SLF2: variants seen among roughly 807,000 people sequenced by gnomAD.
The protein encoded by SLF2 is SMC5/6 complex localization factor 2.
A neutral mutation model predicts 124.3 loss-of-function variants in SLF2; 68 were observed. That is an observed-to-expected ratio of 0.55 (90% confidence interval 0.45 to 0.67). The LOEUF (loss-of-function observed/expected upper bound fraction) is 0.67. Ranked by LOEUF, SLF2 falls within the 30% of genes least tolerant of loss-of-function variation. SLF2 has a pLI of 0.00. For synonymous variants in SLF2, 480 were observed against 478.8 expected, an observed-to-expected ratio of 1.00 and a Z score of -0.03; for missense variants, 1,246 against 1,373.7, an observed-to-expected ratio of 0.91 and a Z score of 1.47.
chr10:100,955,764 G>A (rs993178910), intron 17 of SLF2, among the ~76,000 whole-genome samples: 57 of 152,148 alleles, frequency 3.7e-4, no homozygotes, highest in African/African-American at 1.3e-3. Context: ...AAAATTAGCT[G>A]GGCATGGTGG....
intron 11 of SLF2, chr10:100,943,743 A>G (rs1306730408): frequency 3.7e-6 from 1 of 273,464 alleles, no homozygotes; most frequent in Non-Finnish European, 6.8e-6. Context: ...ACTGATGCAT[A>G]ATGATAGAAA....
At chr10:100,918,527 C>T in intron 4 of SLF2, 86 bp downstream of exon 4, 1 of 829,682 alleles carries the variant, frequency 1.2e-6, no homozygotes, top group Non-Finnish European at 1.9e-6. Flanking sequence ...TTTAAATATG[C>T]AGTTCCCTTC....
At chr10:100,955,177 T>C (rs1204480742) in intron 17 of SLF2, among the ~76,000 whole-genome samples, 1 of 151,814 alleles carries the variant, frequency 6.6e-6, no homozygotes, top group African/African-American at 2.4e-5. Flanking sequence ...CCTGACCTTG[T>C]GATCTGCCCG....
At chr10:100,936,250 C>T (rs922653504) in intron 9 of SLF2, among the ~76,000 whole-genome samples, 1 of 151,822 alleles carries the variant, frequency 6.6e-6, no homozygotes, top group African/African-American at 2.4e-5. Flanking sequence ...ACTAGAAAAT[C>T]GATAATACTA....
chr10:100,946,094 A>G (rs570266343), intron 13 of SLF2, among the ~76,000 whole-genome samples: 1 of 152,312 alleles, frequency 6.6e-6, no homozygotes, highest in African/African-American at 2.4e-5. Context: ...CCTTTTTAAA[A>G]ATTATATTTT....
rs563257318 is a variant in SLF2 at position 100,930,065 on chromosome 10, C to T, written c.2333+68C>T. ...ATTACTCTAAAACACTTCTGACTCA[C>T]GTAATCTTCTAAAAGGTTAATTTCT... On this transcript the variant is annotated intron_variant, in intron 8 of 19. Coordinates refer to ENST00000238961, the MANE Select transcript of SLF2 (RefSeq NM_018121.4). 2.4e-5 allele frequency: 24 copies of T among 1,000,126 alleles called. 1 individual carries two copies. The highest frequency in any genetic ancestry group is 1.8e-4 in the South Asian group (8 of 44,274). 62.0% of individuals were successfully genotyped at this position (1,000,126 alleles called of 1,614,324 possible).
At chr10:100,951,307 A>G (rs1011154391) in intron 17 of SLF2, among the ~76,000 whole-genome samples, 1 of 152,192 alleles carries the variant, frequency 6.6e-6, no homozygotes, top group Non-Finnish European at 1.5e-5. Flanking sequence ...GAACTTAACC[A>G]TTATACTTTG....
chr10:100,916,076 AT>A, intron 2 of SLF2, 34 bp downstream of exon 2: 1 of 1,576,172 alleles, frequency 6.3e-7, no homozygotes, highest in Non-Finnish European at 8.7e-7. Flanking sequence ...TTTGTGGGCT[AT>A]TTTGGGGGTG....
At chr10:100,929,579 C>A in intron 7 of SLF2, 140 bp downstream of exon 7, 2 of 770,502 alleles carry the variant, frequency 2.6e-6, no homozygotes, top group Non-Finnish European at 3.9e-6. Context: ...GTTTGAAAGG[C>A]AAATGTTAGG....
chr10:100,924,572 A>T lies in SLF2; in HGVS notation c.1571A>T (p.His524Leu), dbSNP rs1051692765. The T allele has an allele frequency of 6.2e-7, 1 of 1,614,166 alleles. No homozygotes were observed. Among genetic ancestry groups the T allele is most frequent in the Non-Finnish European group, 8.5e-7 (1 of 1,180,024 alleles). The change falls in exon 5 of 20, where the codon CAC becomes CTC. Residue 524 changes from histidine (H) to leucine (L), a missense_variant. His to Leu is a moderately conservative substitution (Grantham distance 99, BLOSUM62 -3). Transcript: ENST00000238961. Reference protein sequence around the residue: ...HSTESTKHKEHKAKTNKADSN... With the variant: ...HSTESTKHKELKAKTNKADSN... ...ACAGAATCCACCAAACACAAGGAAC[A>T]CAAAGCAAAGACTAATAAGGCCGAT...
At chr10:100,959,607 T>C (rs1368045496) in intron 19 of SLF2, 111 bp downstream of exon 19, 6 of 1,434,320 alleles carry the variant, frequency 4.2e-6, no homozygotes, top group Non-Finnish European at 4.6e-6. Context: ...TCTAGTTATC[T>C]TAAGATAAAC....
intron 7 of SLF2, 36 bp from the exon 8 acceptor site, chr10:100,929,794 A>G: frequency 6.7e-7 from 1 of 1,495,174 alleles, no homozygotes; most frequent in South Asian, 1.3e-5. Flanking sequence ...ATGTAGTGTA[A>G]CAATTTGGTA....
chr10:100,954,708 A>G (rs1438795957), intron 17 of SLF2, among the ~76,000 whole-genome samples: 2 of 152,158 alleles, frequency 1.3e-5, no homozygotes, highest in African/African-American at 4.8e-5. Context: ...TTGGGGAAGC[A>G]GAGACAGGAG....
rs1426013785 is a variant in SLF2 at position 100,962,856 on chromosome 10, T to C, written c.*944T>C. The stretch of plus-strand genomic sequence containing the variant: ...GTGTCTGTGTATGTGTGTGTGTGTG[T>C]GTGTGTGTGTGTGCGCTTGTATCTT... On this transcript the variant is annotated 3_prime_UTR_variant, in exon 20 of 20. Coordinates refer to ENST00000238961, the MANE Select transcript of SLF2 (RefSeq NM_018121.4). 1 of 152,420 alleles carries C rather than the reference T, an allele frequency of 6.6e-6. No individual in the cohort carries two copies. Among genetic ancestry groups the C allele is most frequent in the Non-Finnish European group, 1.5e-5 (1 of 68,024 alleles). 9.4% of individuals were successfully genotyped at this position (152,420 alleles called of 1,614,324 possible).
In SLF2 at chr10:100,964,665, G is replaced by C. The variant is rs921635945; in HGVS notation, c.*2753G>C. The C allele has an allele frequency of 6.6e-6, 1 of 152,608 alleles. No homozygotes were observed. The allele number at this position is 152,608 out of a possible 1,614,324, so 9.5% of individuals were successfully genotyped here. A position where few individuals can be genotyped will look rare whatever the true frequency, so the allele number is the denominator to read the frequency against. ...TACAAAATGGCGTGTTATCATCCAG[G>C]CTTAGTTGGAGTATTTGCATTTTTA... On this transcript the variant is annotated 3_prime_UTR_variant, in exon 20 of 20. Coordinates refer to ENST00000238961, the MANE Select transcript of SLF2 (RefSeq NM_018121.4).
chr10:100,923,787 A>C (rs910128588), intron 4 of SLF2, among the ~76,000 whole-genome samples, 188 bp from the exon 5 acceptor site: 1 of 151,994 alleles, frequency 6.6e-6, no homozygotes, highest in African/African-American at 2.4e-5. Context: ...ATTAGCTTTA[A>C]ATTTCTTGGA....
At chr10:100,926,157 G>C in intron 6 of SLF2, 138 bp downstream of exon 6, 4 of 1,560,120 alleles carry the variant, frequency 2.6e-6, no homozygotes, top group Non-Finnish European at 3.5e-6. Flanking sequence ...GTTAGAATAA[G>C]ATATGTTGGC....
Position 100,916,831 on chromosome 10 carries a change from T to C in SLF2, c.446T>C (p.Ile149Thr), listed in dbSNP as rs1298608843. The part of the protein sequence containing the change: ...ASKYLAKGTN[I>T]YVPSSYHLPK... ...AAATATTTAGCCAAAGGAACAAATA[T>C]CTATGTTCCTTCTTCATATCACTTG... Residue 149 changes from isoleucine to threonine, a missense_variant, in exon 3 of 20, where the codon ATC becomes ACC. By Grantham distance (89) the Ile-to-Thr change is moderately conservative. This residue lies in a region of SLF2 where 698 missense variants were observed against 708.9 expected (regional missense o/e 0.98). Coordinates refer to ENST00000238961, the MANE Select transcript of SLF2 (RefSeq NM_018121.4). 3.1e-6 allele frequency: 5 copies of C among 1,614,146 alleles called. No homozygotes were observed. The South Asian group carries it at 5.5e-5, about 18-fold the overall frequency.
Position 100,924,479 on chromosome 10 carries a change from A to T in SLF2, c.1478A>T (p.Asn493Ile). ...GSSLVPLNAK[N>I]CALPVSKKDK... ...TCTCTAGTACCATTAAATGCTAAAA[A>T]TTGTGCTCTTCCAGTTTCTAAAAAA... The change falls in exon 5 of 20, where the codon AAT becomes ATT. Residue 493 changes from asparagine to isoleucine, a missense_variant. Coordinates refer to ENST00000238961, the MANE Select transcript of SLF2 (RefSeq NM_018121.4). 1 of 1,614,172 alleles carries T rather than the reference A, an allele frequency of 6.2e-7. No individual in the cohort carries two copies. The highest frequency in any genetic ancestry group is 8.5e-7 in the Non-Finnish European group (1 of 1,180,028).
Sources: gnomAD v4.1 joint callset for allele counts (sites outside exome capture counted in the v4.1 genomes callset) on GRCh38, gnomAD v4.1.1 for gene constraint, gnomAD v4.1.1 regional missense constraint, MANE v1.5 for transcripts, NCBI Gene and HGNC (gene_info 2026-07-23, HGNC 2026-07-21) for gene names.